MINDY4: variants seen among roughly 807,000 people sequenced by gnomAD.
MINDY4 encodes probable ubiquitin carboxyl-terminal hydrolase MINDY-4.
Under a neutral mutation model 87.0 loss-of-function variants are expected in MINDY4, and 68 were observed. The observed-to-expected ratio is 0.78, with a 90% CI of 0.64 to 0.96. MINDY4 has a LOEUF of 0.96. MINDY4 is among the 40% of genes least tolerant of loss of function. The probability of loss-of-function intolerance (pLI) is 0.00; values close to 1 mark genes in which losing one functional copy is unlikely to be tolerated. For synonymous variants in MINDY4, 379 were observed against 363.2 expected (o/e 1.04, Z -0.50); for missense variants, 919 against 928.2 (o/e 0.99, Z 0.13).
chr7:30,822,440 G>A (rs1584277016), intron 5 of MINDY4, among the ~76,000 whole-genome samples: 2 of 151,940 alleles, frequency 1.3e-5, no homozygotes, highest in East Asian at 1.9e-4. Context: ...TAAAGTGTTG[G>A]GATTACAGGT....
intron 1 of MINDY4, 31 bp from the exon 2 acceptor site, chr7:30,778,401 G>A (rs1447727102): frequency 2.5e-6 from 4 of 1,613,888 alleles, no homozygotes; most frequent in Non-Finnish European, 1.7e-6. Context: ...GATTTAAGAT[G>A]GTAAACAGCG....
At position 30,879,586 on chromosome 7, in the gene MINDY4, C is replaced by T. The variant is rs1169687941; in HGVS notation, c.1972-2595C>T. ...CTCTCCCGCAGGCTGGGGCTTCTCT[C>T]GGGCTCTCTCCCACCTCCTGGCCTT... On this transcript the variant is annotated intron_variant, in intron 15 of 17. Coordinates refer to ENST00000265299, the MANE Select transcript of MINDY4 (RefSeq NM_032222.3). 2.6e-5 allele frequency among the ~76,000 whole-genome samples: 4 copies of T among 152,206 alleles called. No individual in the cohort carries two copies. The South Asian group carries it at 6.2e-4, about 24-fold the overall frequency.
At chr7:30,830,804 G>A (rs960019321) in intron 6 of MINDY4, among the ~76,000 whole-genome samples, 1 of 152,164 alleles carries the variant, frequency 6.6e-6, no homozygotes, top group African/African-American at 2.4e-5. Context: ...CTGAAGAATG[G>A]GCAAGGTCTT....
At chr7:30,826,123 A>G (rs571558523) in intron 5 of MINDY4, among the ~76,000 whole-genome samples, 14 of 152,290 alleles carry the variant, frequency 9.2e-5, no homozygotes, top group African/African-American at 3.4e-4. Flanking sequence ...CATTGGTCCC[A>G]TTTAGGTAAT....
Position 30,785,672 on chromosome 7 carries a change from T to G in MINDY4, c.420-77T>G, listed in dbSNP as rs1584235671. The G allele has an allele frequency of 3.2e-6, 5 of 1,545,422 alleles. No homozygotes were observed. In the East Asian group the frequency reaches 1.1e-4, roughly 35 times the overall value. On this transcript the variant is annotated intron_variant, in intron 3 of 17. Coordinates refer to ENST00000265299, the MANE Select transcript of MINDY4 (RefSeq NM_032222.3). Reference sequence around the variant, plus strand: ...TAATGGGCTTGCTTTGAATGCACATTGAATGTGGAATTTGCTATCTTTGTT... The same window carrying G: ...TAATGGGCTTGCTTTGAATGCACATGGAATGTGGAATTTGCTATCTTTGTT...
At chr7:30,804,874 G>A (rs1787760101) in intron 5 of MINDY4, among the ~76,000 whole-genome samples, 1 of 152,134 alleles carries the variant, frequency 6.6e-6, no homozygotes, top group South Asian at 2.1e-4. Flanking sequence ...GGGCAGGTCT[G>A]GCAGTTCAGA....
chr7:30,865,704 T>C (rs752691481), intron 13 of MINDY4, among the ~76,000 whole-genome samples: 1 of 152,260 alleles, frequency 6.6e-6, no homozygotes, highest in Non-Finnish European at 1.5e-5. Context: ...CTTTGTTGTC[T>C]TGTGGCAACC....
At chr7:30,891,815 AG>A in intron 17 of MINDY4, 141 bp from the exon 18 acceptor site, 1 of 782,804 alleles carries the variant, frequency 1.3e-6, no homozygotes, top group Non-Finnish European at 2.2e-6. Context: ...GTGAATTTGG[AG>A]GGGTGAGATG....
At chr7:30,852,193 A>G (rs752604478) in intron 10 of MINDY4, 23 bp from the exon 11 acceptor site, 1 of 1,614,056 alleles carries the variant, frequency 6.2e-7, no homozygotes, top group African/African-American at 1.3e-5. Flanking sequence ...CAGAGGACTC[A>G]TGCACCTTCC....
rs1790810107 is a variant in MINDY4 at position 30,892,118 on chromosome 7, A to G, written c.*113A>G. On this transcript the variant is annotated 3_prime_UTR_variant, in exon 18 of 18. Transcript: ENST00000265299. ...CTCATGTACCCCAACCTGGGTCAGC[A>G]TGACTGCAGAAGCATCCAGAGCCTC... 2 of 1,164,466 alleles carry G rather than the reference A, an allele frequency of 1.7e-6. No homozygotes were observed. Among genetic ancestry groups the G allele is most frequent in the Non-Finnish European group, 2.6e-6 (2 of 778,322 alleles). 72.1% of individuals were successfully genotyped at this position (1,164,466 alleles called of 1,614,324 possible). A position where few individuals can be genotyped will look rare whatever the true frequency, so the allele number is the denominator to read the frequency against.
intron 9 of MINDY4, among the ~76,000 whole-genome samples, chr7:30,841,947 A>G (rs1368816078): frequency 6.6e-6 from 1 of 152,216 alleles, no homozygotes; most frequent in Non-Finnish European, 1.5e-5. Context: ...TGTTACCCAG[A>G]CAACAAGACC....
intron 17 of MINDY4, among the ~76,000 whole-genome samples, chr7:30,886,873 G>T (rs916791808): frequency 3.3e-5 from 5 of 152,048 alleles, no homozygotes; most frequent in Non-Finnish European, 7.4e-5. Flanking sequence ...AACCATCTCA[G>T]CAAAAAAACA....
At chr7:30,853,364 CACTCATCCT>C in intron 11 of MINDY4, 21 bp from the exon 12 acceptor site, 1 of 1,598,150 alleles carries the variant, frequency 6.3e-7, no homozygotes, top group Non-Finnish European at 8.6e-7. Flanking sequence ...GGGCTTGGGC[CACTCATCCT>C]GAGTGTTTGT....
intron 17 of MINDY4, among the ~76,000 whole-genome samples, chr7:30,883,276 C>G (rs1232848900): frequency 6.6e-6 from 1 of 152,202 alleles, no homozygotes; most frequent in East Asian, 1.9e-4. Context: ...CCCCTCCTCC[C>G]TCAAGGCAGC....
chr7:30,791,326 T>C lies in MINDY4; in HGVS notation c.825T>C (p.Leu275=). Residue 275 remains leucine (L), a synonymous_variant, in exon 5 of 18, where the codon CTT becomes CTC. Coordinates refer to ENST00000265299, the MANE Select transcript of MINDY4 (RefSeq NM_032222.3). ...SSPSRTSLGQ[L]SELTVERQKT... ...CCTCCAGGACCTCCCTGGGTCAGCTTAGTGAACTGACCGTAGAAAGGCAGA... is the reference window on the plus strand; with the variant it reads ...CCTCCAGGACCTCCCTGGGTCAGCTCAGTGAACTGACCGTAGAAAGGCAGA... The C allele has an allele frequency of 1.9e-6, 3 of 1,614,140 alleles. No homozygotes were observed. Among genetic ancestry groups the C allele is most frequent in the Non-Finnish European group, 1.7e-6 (2 of 1,180,004 alleles).
At chr7:30,850,363 G>A (rs1001023025) in intron 9 of MINDY4, 91 bp from the exon 10 acceptor site, 17 of 1,194,518 alleles carry the variant, frequency 1.4e-5, no homozygotes, top group Admixed American at 2.0e-5. Flanking sequence ...GGCCATCTGC[G>A]GAGGGGACTG....
chr7:30,887,585 G>C (rs541057141), intron 17 of MINDY4, among the ~76,000 whole-genome samples: 19 of 152,348 alleles, frequency 1.2e-4, no homozygotes, highest in African/African-American at 3.6e-4. Context: ...GTGAGCCAGC[G>C]AGGACCATGG....
At chr7:30,813,595 C>T (rs963188913) in intron 5 of MINDY4, among the ~76,000 whole-genome samples, 2 of 152,210 alleles carry the variant, frequency 1.3e-5, no homozygotes, top group Non-Finnish European at 2.9e-5. Flanking sequence ...CCACGGTTTG[C>T]TACCCAAGGA....
intron 6 of MINDY4, among the ~76,000 whole-genome samples, chr7:30,829,793 T>A (rs1421481824): frequency 2.6e-5 from 4 of 152,168 alleles, no homozygotes; most frequent in Non-Finnish European, 5.9e-5. Flanking sequence ...CACTGCACTT[T>A]AAGATTTTGC....
Sources: allele counts gnomAD v4.1 joint callset (sites outside exome capture counted in the v4.1 genomes callset), GRCh38; gene constraint gnomAD v4.1.1; transcripts MANE v1.5; gene names NCBI Gene and HGNC (gene_info 2026-07-23, HGNC 2026-07-21).